The following RHBDL3 variants were observed in gnomAD, a reference collection of about 807,000 sequenced individuals.
The protein encoded by RHBDL3 is rhomboid-related protein 3.
A neutral mutation model predicts 48.2 loss-of-function variants in RHBDL3; 28 were observed. That is an observed-to-expected ratio of 0.58 (90% CI 0.43 to 0.80). The LOEUF (loss-of-function observed/expected upper bound fraction) is 0.80, where lower values mean the gene tolerates loss of function less well. Ranked by LOEUF, RHBDL3 falls within the 30% of genes least tolerant of loss-of-function variation. The pLI is 0.00. For missense variants in RHBDL3, 464 were observed against 542.7 expected (o/e 0.85, Z 1.44); for synonymous variants, 208 against 232.3 (o/e 0.90, Z 0.95).
chr17:32,298,712 A>G (rs763545), intron 6 of RHBDL3, among the ~76,000 whole-genome samples: 50,177 of 152,224 alleles, frequency 0.33, 9,823 homozygotes, highest in Non-Finnish European at 0.44. Context: ...CCTGTCCCCA[A>G]AAAGAGAGCT....
chr17:32,301,908 C>T (rs190835640), intron 6 of RHBDL3, among the ~76,000 whole-genome samples: 88 of 152,082 alleles, frequency 5.8e-4, no homozygotes, highest in Admixed American at 5.4e-3. Context: ...TTTTTTAAGG[C>T]CAAAGAAGAT....
chr17:32,274,030 C>T (rs2039836847), intron 2 of RHBDL3, among the ~76,000 whole-genome samples: 1 of 152,252 alleles, frequency 6.6e-6, no homozygotes, highest in Non-Finnish European at 1.5e-5. Flanking sequence ...GCCACCGTGC[C>T]TGGCCAGACC....
intron 4 of RHBDL3, among the ~76,000 whole-genome samples, chr17:32,289,828 C>T (rs532791265): frequency 3.3e-5 from 5 of 152,328 alleles, no homozygotes; most frequent in Admixed American, 2.0e-4. Context: ...TCCAAAGCCA[C>T]GGGCCTAATT....
At chr17:32,268,030 A>C in intron 2 of RHBDL3, 105 bp downstream of exon 2, 2 of 872,978 alleles carry the variant, frequency 2.3e-6, no homozygotes, top group Non-Finnish European at 4.0e-6. Flanking sequence ...TGAGATGGTG[A>C]CGTGGGGTGG....
In RHBDL3 at chr17:32,278,565, A is replaced by C. The variant is rs1339688854; in HGVS notation, c.136-6094A>C. 2.0e-5 allele frequency among the ~76,000 whole-genome samples: 3 copies of C among 152,198 alleles called. No individual in the cohort carries two copies. In the East Asian group the frequency reaches 5.8e-4, roughly 29 times the overall value. ...GGTGGACACATAAGAGGATTGGATG[A>C]GGGTCTCTCAAACTCTCTTTAGCCA... On this transcript the variant is annotated intron_variant, in intron 2 of 8. Transcript: ENST00000269051.
rs1249283619 is a variant in RHBDL3 at position 32,305,045 on chromosome 17, C to T, written c.782-296C>T. 5.9e-5 allele frequency among the ~76,000 whole-genome samples: 9 copies of T among 151,842 alleles called. No homozygotes were observed. In the East Asian group the frequency reaches 1.2e-3, roughly 20 times the overall value. On this transcript the variant is annotated intron_variant, in intron 6 of 8. Coordinates refer to ENST00000269051, the MANE Select transcript of RHBDL3 (RefSeq NM_138328.3). The stretch of plus-strand genomic sequence containing the variant: ...CTGGGGCAGGAGGATCACTTGAGCC[C>T]GGGGGTCAAGGCTGTAGTGAGCTGA...
intron 6 of RHBDL3, among the ~76,000 whole-genome samples, chr17:32,299,077 G>C (rs1005246481): frequency 7.0e-6 from 1 of 142,086 alleles, no homozygotes; most frequent in Non-Finnish European, 1.5e-5. Flanking sequence ...AAGGTTTGCC[G>C]CCTCAGCTCT....
At chr17:32,298,933 T>C (rs1382385922) in intron 6 of RHBDL3, among the ~76,000 whole-genome samples, 2 of 151,230 alleles carry the variant, frequency 1.3e-5, no homozygotes, top group Non-Finnish European at 2.9e-5. Flanking sequence ...CAGTGGGAGG[T>C]GAGGTGGGTG....
At chr17:32,279,204 G>A (rs544635903) in intron 2 of RHBDL3, among the ~76,000 whole-genome samples, 61 of 152,312 alleles carry the variant, frequency 4.0e-4, no homozygotes, top group African/African-American at 1.4e-3. Flanking sequence ...AAACCAGGGT[G>A]TGTGGTGGCC....
At chr17:32,309,276 G>T (rs1451528799) in intron 7 of RHBDL3, among the ~76,000 whole-genome samples, 1 of 151,548 alleles carries the variant, frequency 6.6e-6, no homozygotes, top group Non-Finnish European at 1.5e-5. Flanking sequence ...ACTTGGGCTG[G>T]GCGCGGTGGC....
chr17:32,321,417 A>G lies in RHBDL3; in HGVS notation c.*188A>G. ...CCCTTTTCTGAAAGGCATCTGGCGGAGGAGTTGATGTGGCTGCTGTCGTTT... is the reference window on the plus strand; with the variant it reads ...CCCTTTTCTGAAAGGCATCTGGCGGGGGAGTTGATGTGGCTGCTGTCGTTT... On this transcript the variant is annotated 3_prime_UTR_variant, in exon 9 of 9. Transcript: ENST00000269051. The G allele has an allele frequency of 6.6e-7, 1 of 1,510,428 alleles. No individual in the cohort carries two copies. The highest frequency in any genetic ancestry group is 8.9e-7 in the Non-Finnish European group (1 of 1,128,166). The allele number at this position is 1,510,428 out of a possible 1,614,324, so 93.6% of individuals were successfully genotyped here.
At chr17:32,296,682 A>G (rs1198846109) in intron 5 of RHBDL3, among the ~76,000 whole-genome samples, 1 of 152,016 alleles carries the variant, frequency 6.6e-6, no homozygotes, top group Non-Finnish European at 1.5e-5. Context: ...ATGAGACTTT[A>G]AGGGAAAGCT....
At chr17:32,314,438 C>A (rs1200498535) in intron 7 of RHBDL3, among the ~76,000 whole-genome samples, 1 of 152,078 alleles carries the variant, frequency 6.6e-6, no homozygotes, top group Non-Finnish European at 1.5e-5. Context: ...CCGCCTCAGC[C>A]TCCCAAAGTG....
intron 6 of RHBDL3, among the ~76,000 whole-genome samples, chr17:32,300,120 G>T (rs539176951): frequency 6.6e-6 from 1 of 152,184 alleles, no homozygotes; most frequent in Admixed American, 6.5e-5. Flanking sequence ...TAAGTGGCTC[G>T]CCCAAGAAGA....
At chr17:32,272,063 G>A (rs2039784786) in intron 2 of RHBDL3, among the ~76,000 whole-genome samples, 1 of 152,210 alleles carries the variant, frequency 6.6e-6, no homozygotes, top group Non-Finnish European at 1.5e-5. Flanking sequence ...GTACAATGGG[G>A]ACGTAATATT....
At chr17:32,308,796 A>G (rs1307331258) in intron 7 of RHBDL3, among the ~76,000 whole-genome samples, 1 of 152,012 alleles carries the variant, frequency 6.6e-6, no homozygotes, top group Non-Finnish European at 1.5e-5. Context: ...GGCTGGGCAC[A>G]GTGGCTCACG....
At chr17:32,292,635 C>G (rs2040356837) in intron 4 of RHBDL3, among the ~76,000 whole-genome samples, 1 of 151,824 alleles carries the variant, frequency 6.6e-6, no homozygotes. Context: ...GAAATGCTGT[C>G]TCTACTAAAA....
intron 2 of RHBDL3, among the ~76,000 whole-genome samples, chr17:32,281,548 C>T (rs1597625732): frequency 6.6e-6 from 1 of 152,162 alleles, no homozygotes; most frequent in East Asian, 1.9e-4. Flanking sequence ...GCACCCCACC[C>T]CCTATCTACC....
At chr17:32,302,551 A>ATATAT (rs1401451294) in intron 6 of RHBDL3, among the ~76,000 whole-genome samples, 7 of 41,560 alleles carry the variant, frequency 1.7e-4, no homozygotes, top group African/African-American at 5.2e-4. Context: ...ATATATATAT[A>ATATAT]TTTTTTTTTA....
Sources: gnomAD v4.1 joint callset for allele counts (sites outside exome capture counted in the v4.1 genomes callset) on GRCh38, gnomAD v4.1.1 for gene constraint, MANE v1.5 for transcripts, NCBI Gene and HGNC (gene_info 2026-07-23, HGNC 2026-07-21) for gene names.